The following JAKMIP1 variants were observed in gnomAD, a reference collection of about 807,000 sequenced individuals.
The protein encoded by JAKMIP1 is janus kinase and microtubule interacting protein 1.
Under a neutral mutation model 113.0 loss-of-function variants are expected in JAKMIP1, and 33 were observed. The ratio of observed to expected loss-of-function variants is 0.29; its 90% CI spans 0.22 to 0.39. The LOEUF (loss-of-function observed/expected upper bound fraction) is 0.39, where lower values mean the gene tolerates loss of function less well. JAKMIP1 is among the 10% of genes least tolerant of loss of function. JAKMIP1 has a pLI of 1.00. For missense variants in JAKMIP1, 813 were observed against 1,080.5 expected, an observed-to-expected ratio of 0.75 and a Z score of 3.47; for synonymous variants, 480 against 459.9, an observed-to-expected ratio of 1.04 and a Z score of -0.56.
rs1013816113 is a variant in JAKMIP1, at chr4:6,093,397, T to C, written c.625-7768A>G. On this transcript the variant is annotated intron_variant, in intron 3 of 20. Transcript: ENST00000409021. This position sits in a 1 kb window ranked among gnomAD's most constrained non-coding sequence, Gnocchi z 4.6. ...GGGAGCTCTCCTGCCCAGGGCTATA[T>C]GTGTTCTTGGGCCATTCTGACTGAC... 6.6e-6 allele frequency among the ~76,000 whole-genome samples: 1 copy of C among 152,152 alleles called. No homozygotes were observed. The highest frequency in any genetic ancestry group is 1.5e-5 in the Non-Finnish European group (1 of 68,034).
Position 6,197,866 on chromosome 4 carries a change from A to G in JAKMIP1, c.-148+2387T>C, listed in dbSNP as rs1728010689. On this transcript the variant is annotated intron_variant, in intron 1 of 20. Coordinates refer to ENST00000409021, the MANE Select transcript of JAKMIP1 (RefSeq NM_001099433.2). This position sits in a 1 kb window ranked among gnomAD's most constrained non-coding sequence, Gnocchi z 6.5. ...GGCAATTGCTGCTGGCTTAAGCATT[A>G]GAAATTGTTCCCTCTGCCACTTGTC... is the stretch of plus-strand genomic sequence containing the variant. Among the ~76,000 whole-genome samples, 1 of 152,220 alleles carries G rather than the reference A, an allele frequency of 6.6e-6. No homozygotes were observed.
rs1455804883 is a variant in JAKMIP1 at position 6,050,268 on chromosome 4, C to T, written c.1908+310G>A. Among the ~76,000 whole-genome samples the T allele has an allele frequency of 6.6e-6, 1 of 152,168 alleles. No individual in the cohort carries two copies. The highest frequency in any genetic ancestry group is 1.5e-5 in the Non-Finnish European group (1 of 68,036). ...TCATGATGTGTCATCACCCCAGCTT[C>T]ACGGTGTGGGTATTGTCATTTGGAT... On this transcript the variant is annotated intron_variant, in intron 14 of 20. Coordinates refer to ENST00000409021, the MANE Select transcript of JAKMIP1 (RefSeq NM_001099433.2). The surrounding 1 kb of genome is among the most constrained non-coding windows in gnomAD (Gnocchi z 7.4).
chr4:6,198,212 T>G (rs928525410), intron 1 of JAKMIP1, among the ~76,000 whole-genome samples: 2 of 152,146 alleles, frequency 1.3e-5, no homozygotes, highest in African/African-American at 4.8e-5. Flanking sequence ...AAGCACACAA[T>G]CTTTCCGGCA....
intron 20 of JAKMIP1, among the ~76,000 whole-genome samples, chr4:6,029,042 G>C (rs771834748): frequency 6.6e-6 from 1 of 152,340 alleles, no homozygotes; most frequent in African/African-American, 2.4e-5. Context: ...TGCTTTGTGT[G>C]TGTCCTGAGC....
intron 1 of JAKMIP1, among the ~76,000 whole-genome samples, chr4:6,190,132 G>A (rs1322612338): frequency 6.6e-6 from 1 of 152,158 alleles, no homozygotes; most frequent in Non-Finnish European, 1.5e-5. Flanking sequence ...AGTGGCACCC[G>A]AGGAGCAGTT....
intron 2 of JAKMIP1, among the ~76,000 whole-genome samples, chr4:6,107,562 T>C (rs1267339501): frequency 6.6e-6 from 1 of 152,172 alleles, no homozygotes; most frequent in Non-Finnish European, 1.5e-5. Flanking sequence ...AGTCGAAGGC[T>C]TTAAGAGAAG....
chr4:6,167,834 A>G lies in JAKMIP1; in HGVS notation c.-148+32419T>C, dbSNP rs767107749. ...CAACTTGAAAATTAAAAGACATCTGAGTGCACTGAATGCTTCGGTTTAGAG... is the reference window on the plus strand; with the variant it reads ...CAACTTGAAAATTAAAAGACATCTGGGTGCACTGAATGCTTCGGTTTAGAG... On this transcript the variant is annotated intron_variant, in intron 1 of 20. Transcript: ENST00000409021. The surrounding 1 kb of genome is among the most constrained non-coding windows in gnomAD (Gnocchi z 5.3). Among the ~76,000 whole-genome samples the G allele has an allele frequency of 6.6e-6, 1 of 152,206 alleles. No individual in the cohort carries two copies. Among genetic ancestry groups the G allele is most frequent in the Non-Finnish European group, 1.5e-5 (1 of 68,038 alleles).
intron 18 of JAKMIP1, among the ~76,000 whole-genome samples, chr4:6,039,804 C>T (rs1714075942): frequency 6.6e-6 from 1 of 152,192 alleles, no homozygotes; most frequent in South Asian, 2.1e-4. Flanking sequence ...TTGAGCTAAG[C>T]CCATGCTACC....
chr4:6,101,232 T>C (rs894459273), intron 3 of JAKMIP1, among the ~76,000 whole-genome samples: 2 of 152,184 alleles, frequency 1.3e-5, no homozygotes, highest in African/African-American at 4.8e-5. Flanking sequence ...GGTAGTATGA[T>C]ATAGACTTCA....
chr4:6,040,585 G>T lies in JAKMIP1; in HGVS notation c.2175+54C>A. 1.5e-6 allele frequency: 2 copies of T among 1,305,222 alleles called. No homozygotes were observed. The highest frequency in any genetic ancestry group is 2.2e-6 in the Non-Finnish European group (2 of 903,912). The allele number at this position is 1,305,222 out of a possible 1,614,324, so 80.9% of individuals were successfully genotyped here. On this transcript the variant is annotated intron_variant, in intron 18 of 20. Transcript: ENST00000409021. This position sits in a 1 kb window ranked among gnomAD's most constrained non-coding sequence, Gnocchi z 5.8. Reference sequence around the variant, plus strand: ...AGTTTCAGCCCCAGAGGAAAAAGCAGCCTCTAATGTGGAGTCTAAGAAGCC... The same window carrying T: ...AGTTTCAGCCCCAGAGGAAAAAGCATCCTCTAATGTGGAGTCTAAGAAGCC...
At position 6,187,358 on chromosome 4, in the gene JAKMIP1, C is replaced by A. The variant is rs2109052207; in HGVS notation, c.-148+12895G>T. On this transcript the variant is annotated intron_variant, in intron 1 of 20. Coordinates refer to ENST00000409021, the MANE Select transcript of JAKMIP1 (RefSeq NM_001099433.2). This position sits in a 1 kb window ranked among gnomAD's most constrained non-coding sequence, Gnocchi z 4.2. ...TGATATATTTTTTCTCATCCTTTCA[C>A]TTTCAATCTATTTGTATCCTTGAAT... 6.6e-6 allele frequency among the ~76,000 whole-genome samples: 1 copy of A among 152,322 alleles called. No individual in the cohort carries two copies. The highest frequency in any genetic ancestry group is 3.4e-3 in the Middle Eastern group (1 of 294).
At position 6,142,346 on chromosome 4, in the gene JAKMIP1, G is replaced by A. The variant is rs1048085869; in HGVS notation, c.-147-29349C>T. ...CACAGGCAGGGGAAAGGGAGCCCCC[G>A]GGAGCTCTGTGCTTTAAAAGGGCAG... is the stretch of plus-strand genomic sequence containing the variant. On this transcript the variant is annotated intron_variant, in intron 1 of 20. Coordinates refer to ENST00000409021, the MANE Select transcript of JAKMIP1 (RefSeq NM_001099433.2). The surrounding 1 kb of genome is among the most constrained non-coding windows in gnomAD (Gnocchi z 5.5). Among the ~76,000 whole-genome samples, 21 of 152,134 alleles carry A rather than the reference G, an allele frequency of 1.4e-4. No individual in the cohort carries two copies. Among genetic ancestry groups the A allele is most frequent in the Admixed American group, 4.6e-4 (7 of 15,268 alleles).
chr4:6,084,711 C>T (rs944136011), intron 5 of JAKMIP1, 135 bp downstream of exon 5: 22 of 932,492 alleles, frequency 2.4e-5, no homozygotes, highest in African/African-American at 3.4e-5. Flanking sequence ...GATTTTTAAT[C>T]GAAAAGAAGT....
intron 3 of JAKMIP1, 23 bp downstream of exon 3, chr4:6,105,450 G>T: frequency 6.4e-7 from 1 of 1,562,410 alleles, no homozygotes; most frequent in East Asian, 2.3e-5. Flanking sequence ...GTGCCCGCGG[G>T]CGGGGGAGGG....
rs1012184427 is a variant in JAKMIP1 at position 6,064,543 on chromosome 4, G to A, written c.1431+337C>T. On this transcript the variant is annotated intron_variant, in intron 9 of 20. Transcript: ENST00000409021. The surrounding 1 kb of genome is among the most constrained non-coding windows in gnomAD (Gnocchi z 4.3). ...GTGGGGACCAGGGAGAGACCATTAC[G>A]CAGCAGTTTTAATTGCAAATGGTGA... Among the ~76,000 whole-genome samples the A allele has an allele frequency of 2.0e-5, 3 of 152,216 alleles. No homozygotes were observed. Among genetic ancestry groups the A allele is most frequent in the Admixed American group, 6.5e-5 (1 of 15,282 alleles).
rs536726101 is a variant in JAKMIP1, at chr4:6,061,232, G to A, written c.1561-725C>T. Among the ~76,000 whole-genome samples, 60 of 152,328 alleles carry A rather than the reference G, an allele frequency of 3.9e-4. 1 individual carries two copies. In the South Asian group the frequency reaches 8.5e-3, roughly 22 times the overall value. On this transcript the variant is annotated intron_variant, in intron 10 of 20. Transcript: ENST00000409021. This position sits in a 1 kb window ranked among gnomAD's most constrained non-coding sequence, Gnocchi z 5.3. ...GGCAAGTAGATGAAATTTAAAAAGCGAAACAAAAATTATTCAGCCCACACA... is the reference window on the plus strand; with the variant it reads ...GGCAAGTAGATGAAATTTAAAAAGCAAAACAAAAATTATTCAGCCCACACA...
intron 1 of JAKMIP1, among the ~76,000 whole-genome samples, chr4:6,128,227 G>C (rs926303566): frequency 6.6e-6 from 1 of 152,220 alleles, no homozygotes; most frequent in African/African-American, 2.4e-5. Flanking sequence ...TCAGTTCTCT[G>C]AGTTGTCTGG....
At chr4:6,149,276 G>A (rs1333133983) in intron 1 of JAKMIP1, among the ~76,000 whole-genome samples, 1 of 152,204 alleles carries the variant, frequency 6.6e-6, no homozygotes, top group Non-Finnish European at 1.5e-5. Flanking sequence ...GAGAGTTTCA[G>A]AAGAGAAGAC....
intron 3 of JAKMIP1, among the ~76,000 whole-genome samples, chr4:6,090,171 G>A (rs944682182): frequency 2.6e-5 from 4 of 151,888 alleles, no homozygotes; most frequent in Admixed American, 6.6e-5. Context: ...GCAGTGAGCC[G>A]AGGTCACGCC....
Sources: gnomAD v4.1 joint callset for allele counts (sites outside exome capture counted in the v4.1 genomes callset) on GRCh38, gnomAD v4.1.1 for gene constraint, Gnocchi (gnomAD v3.1) non-coding constraint, MANE v1.5 for transcripts, NCBI Gene and HGNC (gene_info 2026-07-23, HGNC 2026-07-21) for gene names.